The following MED27 variants were observed in gnomAD, a reference collection of about 807,000 sequenced individuals.
The protein encoded by MED27 is mediator of RNA polymerase II transcription subunit 27.
In MED27, 30 loss-of-function variants were observed where a neutral mutation model predicts 38.2. That is an observed-to-expected ratio of 0.79 (90% CI 0.59 to 1.07). The LOEUF is 1.07. Ranked by LOEUF, MED27 falls within the 50% of genes least tolerant of loss-of-function variation. The pLI, the probability that MED27 is intolerant of heterozygous loss-of-function variation, is 0.00. For missense variants in MED27, 289 were observed against 397.5 expected (o/e 0.73, Z 2.32); for synonymous variants, 122 against 153.5 (o/e 0.79, Z 1.52).
At chr9:131,918,704 C>T (rs1830336254) in intron 4 of MED27, among the ~76,000 whole-genome samples, 1 of 151,960 alleles carries the variant, frequency 6.6e-6, no homozygotes, top group African/African-American at 2.4e-5. Context: ...TGTACGCGGC[C>T]ATTTTCTTCA....
At chr9:132,045,898 A>G (rs1239632455) in intron 2 of MED27, among the ~76,000 whole-genome samples, 2 of 152,124 alleles carry the variant, frequency 1.3e-5, no homozygotes, top group East Asian at 1.9e-4. Flanking sequence ...CTTCTTCACT[A>G]CTTCCTCCAG....
chr9:131,971,638 G>A (rs1251640634), intron 3 of MED27, among the ~76,000 whole-genome samples: 1 of 152,152 alleles, frequency 6.6e-6, no homozygotes, highest in Non-Finnish European at 1.5e-5. Flanking sequence ...CCTGGGCCCC[G>A]TTAGTGGTGA....
At chr9:131,908,031 C>G (rs865827584) in intron 4 of MED27, among the ~76,000 whole-genome samples, 2 of 151,786 alleles carry the variant, frequency 1.3e-5, no homozygotes, top group Non-Finnish European at 2.9e-5. Context: ...GCAGCCGCCC[C>G]GTCTGAGAAG....
intron 3 of MED27, among the ~76,000 whole-genome samples, chr9:131,953,451 T>C (rs1831037060): frequency 6.6e-6 from 1 of 152,200 alleles, no homozygotes; most frequent in Non-Finnish European, 1.5e-5. Flanking sequence ...TGGATGAACA[T>C]TTTTCATTTC....
At chr9:131,965,306 C>T (rs1045734666) in intron 3 of MED27, among the ~76,000 whole-genome samples, 1 of 152,242 alleles carries the variant, frequency 6.6e-6, no homozygotes, top group East Asian at 1.9e-4. Flanking sequence ...GCTTCTAGCG[C>T]GAGGCCATGG....
intron 4 of MED27, among the ~76,000 whole-genome samples, chr9:131,926,669 C>T (rs1405976458): frequency 6.6e-6 from 1 of 152,182 alleles, no homozygotes; most frequent in African/African-American, 2.4e-5. Flanking sequence ...ATTAAGCAGT[C>T]TAGCAATTCA....
intron 3 of MED27, among the ~76,000 whole-genome samples, chr9:132,002,854 G>T (rs758385430): frequency 4.8e-5 from 7 of 145,308 alleles, no homozygotes; most frequent in Non-Finnish European, 7.5e-5. Flanking sequence ...GGTGGAGGTT[G>T]CAGTGAGCCA....
intron 2 of MED27, among the ~76,000 whole-genome samples, chr9:132,060,599 C>T (rs907362989): frequency 1.3e-5 from 2 of 152,208 alleles, no homozygotes; most frequent in Non-Finnish European, 2.9e-5. Flanking sequence ...TTTACGGTCC[C>T]CACCAAGCAC....
intron 4 of MED27, among the ~76,000 whole-genome samples, chr9:131,915,030 T>C (rs10122472): frequency 0.015 from 2,259 of 152,220 alleles, 55 homozygotes; most frequent in African/African-American, 0.052. Flanking sequence ...GAGGCTGAAG[T>C]CCAGGGAAAG....
At chr9:131,881,334 G>A (rs577820886) in intron 6 of MED27, among the ~76,000 whole-genome samples, 15 of 152,286 alleles carry the variant, frequency 9.8e-5, no homozygotes, top group African/African-American at 3.6e-4. Flanking sequence ...ACACTAAGAT[G>A]AGAAATGTGC....
At chr9:131,958,740 A>T (rs533855695) in intron 3 of MED27, among the ~76,000 whole-genome samples, 1 of 152,230 alleles carries the variant, frequency 6.6e-6, no homozygotes. Context: ...TTGAAACTAC[A>T]GTCCTGAAAG....
intron 4 of MED27, among the ~76,000 whole-genome samples, chr9:131,899,391 C>G (rs1176574673): frequency 6.6e-6 from 1 of 152,220 alleles, no homozygotes; most frequent in African/African-American, 2.4e-5. Flanking sequence ...GCCTGAGGGT[C>G]AGGCAGCCAG....
At chr9:131,971,581 G>A (rs576379866) in intron 3 of MED27, among the ~76,000 whole-genome samples, 114 of 152,328 alleles carry the variant, frequency 7.5e-4, no homozygotes, top group African/African-American at 2.6e-3. Flanking sequence ...AGAGTCCAGT[G>A]AGGAGACCTT....
At chr9:131,919,454 C>G (rs1395013746) in intron 4 of MED27, among the ~76,000 whole-genome samples, 1 of 149,826 alleles carries the variant, frequency 6.7e-6, no homozygotes, top group Non-Finnish European at 1.5e-5. Context: ...CATTTGGCTT[C>G]AAGTGATTTT....
chr9:131,984,392 C>CA (rs1195243527), intron 3 of MED27, among the ~76,000 whole-genome samples: 5 of 152,182 alleles, frequency 3.3e-5, no homozygotes, highest in African/African-American at 4.8e-5. Context: ...AGCAGGCACT[C>CA]AGATGACTAT....
intron 2 of MED27, among the ~76,000 whole-genome samples, chr9:132,057,217 T>C (rs1026973645): frequency 9.2e-5 from 14 of 152,218 alleles, no homozygotes; most frequent in Non-Finnish European, 1.3e-4. Context: ...CCTCTGCCAA[T>C]CCCACCAAAC....
At chr9:132,079,170 T>C (rs1285723055) in intron 1 of MED27, among the ~76,000 whole-genome samples, 1 of 151,526 alleles carries the variant, frequency 6.6e-6, no homozygotes. Flanking sequence ...TGGTTGCGGG[T>C]GGGTGGTGGT....
intron 3 of MED27, among the ~76,000 whole-genome samples, chr9:132,009,091 T>A (rs553683587): frequency 6.6e-6 from 1 of 152,316 alleles, no homozygotes; most frequent in South Asian, 2.1e-4. Flanking sequence ...CATGTTGCTA[T>A]GATGCTCTGC....
chr9:132,023,027 T>C (rs1178783833), intron 2 of MED27, among the ~76,000 whole-genome samples: 1 of 152,144 alleles, frequency 6.6e-6, no homozygotes, highest in East Asian at 1.9e-4. Context: ...CCTTGAGATG[T>C]CTTAGGCCTA....
Sources: gnomAD v4.1 joint callset for allele counts (sites outside exome capture counted in the v4.1 genomes callset) on GRCh38, gnomAD v4.1.1 for gene constraint, MANE v1.5 for transcripts, NCBI Gene and HGNC (gene_info 2026-07-23, HGNC 2026-07-21) for gene names.